EML4: variants seen among roughly 807,000 people sequenced by gnomAD.
EML4 encodes EMAP like 4, also known as echinoderm microtubule-associated protein-like 4.
Under a neutral mutation model 129.0 loss-of-function variants are expected in EML4, and 72 were observed. The observed-to-expected ratio is 0.56, with a 90% CI of 0.46 to 0.68. The LOEUF (loss-of-function observed/expected upper bound fraction) is 0.68, where lower values mean the gene tolerates loss of function less well. Ranked by LOEUF, EML4 falls within the 30% of genes least tolerant of loss-of-function variation. The pLI is 0.00. For missense variants in EML4, 1,363 were observed against 1,190.6 expected (o/e 1.14, Z -2.13); for synonymous variants, 532 against 405.0 (o/e 1.31, Z -3.77).
At chr2:42,310,808 T>G (rs1668896897) in intron 17 of EML4, among the ~76,000 whole-genome samples, 1 of 152,222 alleles carries the variant, frequency 6.6e-6, no homozygotes, top group Non-Finnish European at 1.5e-5. Flanking sequence ...TTTTTTTTAA[T>G]TTGTAGAAAA....
At chr2:42,217,628 G>C (rs1339538556) in intron 1 of EML4, among the ~76,000 whole-genome samples, 3 of 152,170 alleles carry the variant, frequency 2.0e-5, no homozygotes, top group African/African-American at 7.2e-5. Flanking sequence ...GATGCTTTCT[G>C]AGGATTCTTA....
In EML4 at chr2:42,295,211, C is replaced by G. The variant is rs1667874265; in HGVS notation, c.1305C>G (p.Phe435Leu). 3 of 1,613,470 alleles carry G rather than the reference C, an allele frequency of 1.9e-6. No homozygotes were observed. Among genetic ancestry groups the G allele is most frequent in the Non-Finnish European group, 2.5e-6 (3 of 1,179,882 alleles). ...CATGCGGTAAATCTCATATTTTCTT[C>G]TGGACCTGGAGCGGCAATTCACTAA... ...IITCGKSHIF[F>L]WTWSGNSLTR... The change falls in exon 12 of 23, where the codon TTC becomes TTG. Residue 435 changes from phenylalanine (F) to leucine (L), a missense_variant. Transcript: ENST00000318522.
At chr2:42,240,273 G>A (rs1436847461) in intron 1 of EML4, among the ~76,000 whole-genome samples, 1 of 152,128 alleles carries the variant, frequency 6.6e-6, no homozygotes, top group Non-Finnish European at 1.5e-5. Flanking sequence ...CATTTTTATT[G>A]TGAAATTCGA....
At chr2:42,190,323 T>G (rs1671511868) in intron 1 of EML4, among the ~76,000 whole-genome samples, 1 of 151,640 alleles carries the variant, frequency 6.6e-6, no homozygotes, top group East Asian at 1.9e-4. Flanking sequence ...CTTGCAGGAG[T>G]AGTGATGAAA....
intron 14 of EML4, 80 bp from the exon 15 acceptor site, chr2:42,303,024 T>G: frequency 2.1e-6 from 3 of 1,432,166 alleles, no homozygotes; most frequent in South Asian, 1.3e-5. Context: ...TCATAATTGC[T>G]TACAGCTATA....
At chr2:42,183,688 C>G (rs1482744875) in intron 1 of EML4, among the ~76,000 whole-genome samples, 1 of 151,810 alleles carries the variant, frequency 6.6e-6, no homozygotes, top group African/African-American at 2.4e-5. Context: ...ACTGTGTATA[C>G]AAGTATAAAT....
chr2:42,172,675 G>T (rs1670349437), intron 1 of EML4, among the ~76,000 whole-genome samples: 1 of 151,706 alleles, frequency 6.6e-6, no homozygotes, highest in African/African-American at 2.4e-5. Context: ...AAACTTAGGA[G>T]AGAAAAGTAC....
intron 17 of EML4, among the ~76,000 whole-genome samples, chr2:42,313,562 C>A (rs1022997045): frequency 6.6e-6 from 1 of 152,068 alleles, no homozygotes; most frequent in Non-Finnish European, 1.5e-5. Context: ...TTTCTCTCTT[C>A]TAAATATTTC....
intron 1 of EML4, among the ~76,000 whole-genome samples, chr2:42,216,076 T>A (rs778388256): frequency 1.8e-4 from 28 of 151,584 alleles, no homozygotes; most frequent in Non-Finnish European, 3.2e-4. Flanking sequence ...CCCAACACCA[T>A]GCCTAGCTAA....
At chr2:42,328,844 C>A (rs1179516452) in intron 21 of EML4, 42 bp from the exon 22 acceptor site, 5 of 1,531,276 alleles carry the variant, frequency 3.3e-6, no homozygotes, top group South Asian at 2.4e-5. Context: ...AGTTATATTT[C>A]TTCAGCTAAT....
intron 1 of EML4, among the ~76,000 whole-genome samples, chr2:42,221,047 AGCAGCAGGTTCTGAAGTGGAAGCT>A (rs1266578705): frequency 7.2e-5 from 11 of 152,188 alleles, no homozygotes; most frequent in African/African-American, 1.9e-4. Context: ...TGCAAGGTGA[AGCAGCAGGTTCTGAAGTGGAAGCT>A]GCAGCAGGTT....
chr2:42,302,907 A>G (rs1668373138), intron 14 of EML4, among the ~76,000 whole-genome samples, 197 bp from the exon 15 acceptor site: 1 of 152,188 alleles, frequency 6.6e-6, no homozygotes, highest in African/African-American at 2.4e-5. Context: ...GAAGCAAAGA[A>G]TGTTGATAAT....
At chr2:42,313,670 G>A (rs1211037368) in intron 17 of EML4, among the ~76,000 whole-genome samples, 1 of 152,038 alleles carries the variant, frequency 6.6e-6, no homozygotes, top group Non-Finnish European at 1.5e-5. Flanking sequence ...GCTCATGCCT[G>A]TAATCCCAGC....
intron 1 of EML4, among the ~76,000 whole-genome samples, chr2:42,172,777 A>G (rs550397203): frequency 3.3e-5 from 5 of 152,244 alleles, no homozygotes; most frequent in Admixed American, 3.3e-4. Context: ...TCTCAGGTCT[A>G]TGTGCAAAAG....
chr2:42,322,104 G>A (rs1225534764), intron 19 of EML4, among the ~76,000 whole-genome samples: 1 of 152,220 alleles, frequency 6.6e-6, no homozygotes, highest in Non-Finnish European at 1.5e-5. Flanking sequence ...TAAGCAGATA[G>A]ACTGATGGAA....
intron 1 of EML4, among the ~76,000 whole-genome samples, chr2:42,238,164 A>G (rs376600436): frequency 4.6e-5 from 7 of 152,332 alleles, no homozygotes; most frequent in East Asian, 3.9e-4. Flanking sequence ...CCTCCACAAG[A>G]TATCTCATTA....
chr2:42,281,397 G>GAAAA (rs60523483), intron 7 of EML4, among the ~76,000 whole-genome samples: 1 of 112,096 alleles, frequency 8.9e-6, no homozygotes, highest in African/African-American at 3.1e-5. Context: ...TGTCTCAAAA[G>GAAAA]AAAAAAAAAA....
At position 42,326,162 on chromosome 2, in the gene EML4, C is replaced by T; in HGVS notation, c.2251C>T (p.Pro751Ser). 1.2e-6 allele frequency: 2 copies of T among 1,613,468 alleles called. No individual in the cohort carries two copies. Among genetic ancestry groups the T allele is most frequent in the Non-Finnish European group, 1.7e-6 (2 of 1,179,690 alleles). The stretch of plus-strand genomic sequence containing the variant: ...TGTTTCTAAATTTAAAGGGGACATT[C>T]CAAATGGCTGCAAACTAATCAGGAA... The part of the protein sequence containing the change: ...GDYEILYWDI[P>S]NGCKLIRNRS... The change falls in exon 21 of 23, where the codon CCA (proline) becomes TCA (serine). Residue 751 changes from proline (P) to serine (S), a missense_variant. Transcript: ENST00000318522.
intron 6 of EML4, among the ~76,000 whole-genome samples, chr2:42,273,409 G>C (rs185796915): frequency 2.0e-5 from 3 of 152,252 alleles, no homozygotes; most frequent in Non-Finnish European, 2.9e-5. Flanking sequence ...TTTTATGACA[G>C]AATTGTAAAC....
Sources: gnomAD v4.1 joint callset for allele counts (sites outside exome capture counted in the v4.1 genomes callset) on GRCh38, gnomAD v4.1.1 for gene constraint, MANE v1.5 for transcripts, NCBI Gene and HGNC (gene_info 2026-07-23, HGNC 2026-07-21) for gene names.